ULK4: variants seen among roughly 807,000 people sequenced by gnomAD.
ULK4 encodes inactive serine/threonine-protein kinase ULK4.
Under a neutral mutation model 160.6 loss-of-function variants are expected in ULK4, and 133 were observed. The ratio of observed to expected loss-of-function variants is 0.83; its 90% CI spans 0.72 to 0.96. ULK4 has a LOEUF of 0.96. Among genes scored for constraint, ULK4 ranks in the 40% least tolerant of loss-of-function variants. ULK4 has a pLI of 0.00. For missense variants in ULK4, 1,580 were observed against 1,499.5 expected, an observed-to-expected ratio of 1.05 and a Z score of -0.89; for synonymous variants, 534 against 539.8, an observed-to-expected ratio of 0.99 and a Z score of 0.15.
At chr3:41,865,905 C>T (rs930420769) in intron 17 of ULK4, among the ~76,000 whole-genome samples, 2 of 151,172 alleles carry the variant, frequency 1.3e-5, no homozygotes, top group African/African-American at 4.9e-5. Flanking sequence ...AAGAACCATT[C>T]GTAAAAGAAA....
Position 41,447,761 on chromosome 3 carries a change from G to A in ULK4, c.3492+7736C>T, listed in dbSNP as rs2083334674. Among the ~76,000 whole-genome samples, 3 of 152,170 alleles carry A rather than the reference G, an allele frequency of 2.0e-5. No homozygotes were observed. In the South Asian group the frequency reaches 6.2e-4, roughly 32 times the overall value. On this transcript the variant is annotated intron_variant, in intron 34 of 36. Coordinates refer to ENST00000301831, the MANE Select transcript of ULK4 (RefSeq NM_017886.4). ...AGAAATACATGGGTCCCTGGTTAAT[G>A]TCATCTGCCCTTTTGGATCCTTTCT...
At position 41,394,756 on chromosome 3, in the gene ULK4, A is replaced by G. The variant is rs73828015; in HGVS notation, c.3678+3323T>C. Among the ~76,000 whole-genome samples, 1,284 of 152,134 alleles carry G rather than the reference A, an allele frequency of 8.4e-3. 4 individuals are homozygous for G. Among genetic ancestry groups the G allele is most frequent in the African/African-American group, 0.011 (474 of 41,516 alleles). On this transcript the variant is annotated intron_variant, in intron 35 of 36. Coordinates refer to ENST00000301831, the MANE Select transcript of ULK4 (RefSeq NM_017886.4). ...CAGGATGGGCAAGTTCAAGACCACAACTGAGTTGACTGGGGCCCCTAGAAT... is the reference window on the plus strand; with the variant it reads ...CAGGATGGGCAAGTTCAAGACCACAGCTGAGTTGACTGGGGCCCCTAGAAT...
intron 2 of ULK4, among the ~76,000 whole-genome samples, chr3:41,946,494 C>T (rs1390237548): frequency 1.3e-5 from 2 of 152,206 alleles, no homozygotes; most frequent in African/African-American, 4.8e-5. Context: ...CATTGAACTA[C>T]ACACTACACT....
intron 25 of ULK4, among the ~76,000 whole-genome samples, chr3:41,706,867 G>C (rs998877793): frequency 7.9e-6 from 1 of 126,644 alleles, no homozygotes; most frequent in Non-Finnish European, 1.5e-5. Flanking sequence ...GTGTGTGTGT[G>C]TGTGTGTGTG....
intron 35 of ULK4, among the ~76,000 whole-genome samples, chr3:41,342,790 C>T (rs1358793821): frequency 2.9e-4 from 44 of 152,136 alleles, no homozygotes; most frequent in Admixed American, 2.9e-3. Flanking sequence ...TACTGGCAAA[C>T]CGAATCCAGC....
rs548913410 is a variant in ULK4 at position 41,558,724 on chromosome 3, A to G, written c.3226+7301T>C. ...ATCTCAAAAAAAAAAGAAAAGAAAA[A>G]AAAGGAAAGAAAAAGAAATAGAACT... On this transcript the variant is annotated intron_variant, in intron 32 of 36. Transcript: ENST00000301831. Among the ~76,000 whole-genome samples the G allele has an allele frequency of 1.4e-4, 22 of 151,806 alleles. 1 individual carries two copies. Among genetic ancestry groups the G allele is most frequent in the Admixed American group, 5.9e-4 (9 of 15,240 alleles).
chr3:41,929,034 T>TA lies in ULK4; in HGVS notation c.541+2809dup, dbSNP rs1040232598. 9.3e-3 allele frequency among the ~76,000 whole-genome samples: 1,361 copies of TA among 145,900 alleles called. 18 individuals carry two copies. Among genetic ancestry groups the TA allele is most frequent in the African/African-American group, 0.031 (1,257 of 40,012 alleles). On this transcript the variant is annotated intron_variant, in intron 5 of 36. Transcript: ENST00000301831. Reference sequence around the variant, plus strand: ...TGATACCAAAGCCTGACGGAGATATTAAAAAAAAAAAAATTTCAGGCCAAT... The same window carrying TA: ...TGATACCAAAGCCTGACGGAGATATTAAAAAAAAAAAAAATTTCAGGCCAAT...
rs577212368 is a variant in ULK4, at chr3:41,817,431, C to A, written c.1848+1992G>T. On this transcript the variant is annotated intron_variant, in intron 19 of 36. Transcript: ENST00000301831. ...GTAGTACATATACATCATAAAAGAA[C>A]TATGCAGCCATAAAAAATTATAAAA... 4.0e-4 allele frequency among the ~76,000 whole-genome samples: 61 copies of A among 152,266 alleles called. No homozygotes were observed. In the Middle Eastern group the frequency reaches 0.01, roughly 25 times the overall value.
At chr3:41,421,912 T>A (rs1005780795) in intron 34 of ULK4, among the ~76,000 whole-genome samples, 2 of 152,182 alleles carry the variant, frequency 1.3e-5, no homozygotes, top group African/African-American at 4.8e-5. Context: ...ATCTTGTAGA[T>A]GCAAAATATC....
At chr3:41,260,010 T>A (rs2078910817) in intron 35 of ULK4, 1 of 152,218 alleles carries the variant, frequency 6.6e-6, no homozygotes, top group South Asian at 2.1e-4. Context: ...GGCCTTCAGA[T>A]CTCATAAATA....
At chr3:41,798,574 CATGAAAGTT>C (rs2040367018) in intron 20 of ULK4, among the ~76,000 whole-genome samples, 1 of 152,100 alleles carries the variant, frequency 6.6e-6, no homozygotes, top group Non-Finnish European at 1.5e-5. Flanking sequence ...GATTTAGCAA[CATGAAAGTT>C]ATTAGTAACC....
chr3:41,681,553 G>C lies in ULK4; in HGVS notation c.2933C>G (p.Ser978Cys), dbSNP rs183873306. Reference sequence around the variant, plus strand: ...AATGAGAGCCAGAAGATTGCTGTCAGAATCAACACTGGCCTTCTCCTTGCC... The same window carrying C: ...AATGAGAGCCAGAAGATTGCTGTCACAATCAACACTGGCCTTCTCCTTGCC... ...GDGKEKASVDSDSNLLALIRD... is the reference protein window; with the variant it reads ...GDGKEKASVDCDSNLLALIRD... Residue 978 changes from serine to cysteine, a missense_variant, in exon 29 of 37, where the codon TCT (serine) becomes TGT (cysteine). Ser to Cys is a moderately radical substitution (Grantham distance 112). Coordinates refer to ENST00000301831, the MANE Select transcript of ULK4 (RefSeq NM_017886.4). The C allele has an allele frequency of 5.0e-6, 8 of 1,613,962 alleles. No individual in the cohort carries two copies. The highest frequency in any genetic ancestry group is 6.8e-6 in the Non-Finnish European group (8 of 1,179,988).
At chr3:41,844,276 C>T (rs1467105004) in intron 17 of ULK4, among the ~76,000 whole-genome samples, 1 of 152,144 alleles carries the variant, frequency 6.6e-6, no homozygotes, top group Non-Finnish European at 1.5e-5. Flanking sequence ...GGGTGGGAGG[C>T]TCAGGCATGG....
intron 34 of ULK4, among the ~76,000 whole-genome samples, chr3:41,444,361 T>TCTCTCTCTCTCTC (rs2083243698): frequency 6.8e-6 from 1 of 146,582 alleles, no homozygotes; most frequent in African/African-American, 2.5e-5. Context: ...TTTAAGTGAC[T>TCTCTCTCTCTCTC]TCTCTCTCTC....
chr3:41,396,788 C>T (rs1334605701), intron 35 of ULK4, among the ~76,000 whole-genome samples: 1 of 152,136 alleles, frequency 6.6e-6, no homozygotes, highest in Non-Finnish European at 1.5e-5. Context: ...TCATCCCACA[C>T]TTGGGGAACT....
intron 17 of ULK4, among the ~76,000 whole-genome samples, chr3:41,846,929 G>A (rs1674383638): frequency 6.6e-6 from 1 of 151,958 alleles, no homozygotes; most frequent in South Asian, 2.1e-4. Flanking sequence ...GTTTTTTGGT[G>A]TTATTTCTAA....
chr3:41,893,913 T>C (rs1168923527), intron 16 of ULK4, among the ~76,000 whole-genome samples: 2 of 152,198 alleles, frequency 1.3e-5, no homozygotes, highest in African/African-American at 2.4e-5. Flanking sequence ...CAAGGTAATA[T>C]AACCTGAGGT....
At chr3:41,844,346 G>A (rs945698909) in intron 17 of ULK4, among the ~76,000 whole-genome samples, 6 of 152,154 alleles carry the variant, frequency 3.9e-5, no homozygotes, top group Admixed American at 1.3e-4. Context: ...GCGAGAAATC[G>A]AGCGCAGCGC....
intron 35 of ULK4, among the ~76,000 whole-genome samples, chr3:41,395,737 C>A (rs1408242573): frequency 1.3e-5 from 2 of 152,090 alleles, no homozygotes; most frequent in African/African-American, 4.8e-5. Flanking sequence ...ATGCTTAATG[C>A]CACTGAACCA....
Sources: allele counts gnomAD v4.1 joint callset (sites outside exome capture counted in the v4.1 genomes callset), GRCh38; gene constraint gnomAD v4.1.1; transcripts MANE v1.5; gene names NCBI Gene and HGNC (gene_info 2026-07-23, HGNC 2026-07-21).